PCDH15: variants seen among roughly 807,000 people sequenced by gnomAD.
PCDH15 encodes the protein protocadherin-15.
PCDH15 carries 129 observed loss-of-function variants against 178.5 expected under a neutral mutation model. The observed-to-expected ratio is 0.72, with a 90% CI of 0.63 to 0.84. The LOEUF (loss-of-function observed/expected upper bound fraction) is 0.84. PCDH15 is among the 40% of genes least tolerant of loss of function. The pLI is 0.00. For synonymous variants in PCDH15, 800 were observed against 732.0 expected, an observed-to-expected ratio of 1.09 and a Z score of -1.50; for missense variants, 2,230 against 2,099.9, an observed-to-expected ratio of 1.06 and a Z score of -1.21.
intron 1 of PCDH15, among the ~76,000 whole-genome samples, chr10:54,737,260 T>C (rs1442829640): frequency 6.6e-6 from 1 of 152,096 alleles, no homozygotes; most frequent in African/African-American, 2.4e-5. Context: ...TGAAAGAACC[T>C]GAAGTGGCAC....
intron 29 of PCDH15, among the ~76,000 whole-genome samples, chr10:53,832,951 T>TA (rs535778968): frequency 3.9e-4 from 60 of 152,126 alleles, no homozygotes; most frequent in African/African-American, 1.2e-3. Flanking sequence ...TTTAAACAGA[T>TA]ACGCTTTTAT....
intron 2 of PCDH15, among the ~76,000 whole-genome samples, chr10:54,989,218 G>T (rs757070688): frequency 9.2e-5 from 14 of 152,220 alleles, no homozygotes; most frequent in Admixed American, 2.0e-4. Flanking sequence ...TGCTGCAGGG[G>T]TGGGGCCTTC....
chr10:55,284,183 T>A (rs189261633), intron 1 of PCDH15, among the ~76,000 whole-genome samples: 74 of 146,360 alleles, frequency 5.1e-4, no homozygotes, highest in Non-Finnish European at 8.1e-4. Flanking sequence ...GTCCTTTAGA[T>A]AGCTACTCAG....
At chr10:54,577,091 CT>C (rs11318408) in intron 2 of PCDH15, among the ~76,000 whole-genome samples, 133,351 of 146,244 alleles carry the variant, frequency 0.91, 61,316 homozygotes, top group Middle Eastern at 0.98. Context: ...ATTTTAATTT[CT>C]TTTTTTTTTT....
chr10:54,708,801 T>TGTGTGCGC (rs959581064), intron 1 of PCDH15, among the ~76,000 whole-genome samples: 2 of 125,568 alleles, frequency 1.6e-5, no homozygotes, highest in African/African-American at 5.7e-5. Flanking sequence ...TGTGTGTGTG[T>TGTGTGCGC]GCGCGCGCGT....
chr10:55,121,061 C>T lies in PCDH15; in HGVS notation c.-80+45515G>A, dbSNP rs181474005. 2.0e-3 allele frequency among the ~76,000 whole-genome samples: 312 copies of T among 152,236 alleles called. 1 individual carries two copies. The highest frequency in any genetic ancestry group is 7.4e-3 in the African/African-American group (306 of 41,540). ...AGACTGCAACAGCAGCCTGGGAGAG[C>T]TGCAGGCACTCAACTCCAACCCATG... On this transcript the variant is annotated intron_variant, in intron 2 of 5. Coordinates refer to the PCDH15 transcript ENST00000458638.
intron 20 of PCDH15, among the ~76,000 whole-genome samples, chr10:53,999,578 C>T (rs1448162894): frequency 1.3e-5 from 2 of 152,174 alleles, no homozygotes; most frequent in African/African-American, 2.4e-5. Context: ...CATAAGTGAA[C>T]ATTGGTGGTA....
At chr10:53,954,405 T>TA (rs1564849855) in intron 23 of PCDH15, among the ~76,000 whole-genome samples, 1 of 152,186 alleles carries the variant, frequency 6.6e-6, no homozygotes, top group Non-Finnish European at 1.5e-5. Context: ...CTTTCAATTC[T>TA]AAAAAAAGAA....
At position 55,467,966 on chromosome 10, in the gene PCDH15, CAAAAAAAAAA is replaced by C. The variant is rs71463104; in HGVS notation, c.-156+159649_-156+159658del. Among the ~76,000 whole-genome samples, 305 of 36,662 alleles carry C rather than the reference CAAAAAAAAAA, an allele frequency of 8.3e-3. 5 individuals carry two copies. In the East Asian group the frequency reaches 0.12, roughly 14 times the overall value. 24.1% of individuals were successfully genotyped at this position (36,662 alleles called of 152,430 possible). On this transcript the variant is annotated intron_variant, in intron 2 of 5. Transcript: ENST00000613346. ...TGGGCGATAGAGCCAGACTCCGTCTCAAAAAAAAAAAAAAAAAAAAAAAAAGAATTAAAAC... is the reference window on the plus strand; with the variant it reads ...TGGGCGATAGAGCCAGACTCCGTCTCAAAAAAAAAAAAAAAGAATTAAAAC...
rs149609494 is a variant in PCDH15 at position 53,937,007 on chromosome 10, AG to A, written c.3373+1807del. Reference sequence around the variant, plus strand: ...TTAGGAGGCAAAGGTCAATCATAAAAGGTTAATAACAATATTCAAAGAATCA... The same window carrying A: ...TTAGGAGGCAAAGGTCAATCATAAAAGTTAATAACAATATTCAAAGAATCA... On this transcript the variant is annotated intron_variant, in intron 25 of 37. Coordinates refer to ENST00000644397, the MANE Select transcript of PCDH15 (RefSeq NM_001384140.1). Among the ~76,000 whole-genome samples, 304 of 152,292 alleles carry A rather than the reference AG, an allele frequency of 2.0e-3. 2 individuals are homozygous for A. The highest frequency in any genetic ancestry group is 6.5e-3 in the African/African-American group (271 of 41,574).
chr10:54,393,006 A>G (rs1950750272), intron 3 of PCDH15, among the ~76,000 whole-genome samples: 1 of 152,056 alleles, frequency 6.6e-6, no homozygotes, highest in South Asian at 2.1e-4. Flanking sequence ...CTGATATGTG[A>G]TTAAAATTTT....
chr10:54,955,021 G>A (rs1431551165), intron 2 of PCDH15, among the ~76,000 whole-genome samples: 1 of 151,186 alleles, frequency 6.6e-6, no homozygotes, highest in East Asian at 1.9e-4. Flanking sequence ...TTGGTTTCAG[G>A]TCATTTTTTA....
chr10:55,083,100 T>G (rs1171906481), intron 2 of PCDH15, among the ~76,000 whole-genome samples: 2 of 151,124 alleles, frequency 1.3e-5, no homozygotes, highest in East Asian at 3.9e-4. Flanking sequence ...ATACGTCAAA[T>G]AGAAAACTAT....
chr10:54,242,572 A>G (rs1288179283), intron 8 of PCDH15, among the ~76,000 whole-genome samples: 1 of 152,150 alleles, frequency 6.6e-6, no homozygotes, highest in East Asian at 1.9e-4. Context: ...TTCACCAATG[A>G]AAAATAATAT....
intron 2 of PCDH15, among the ~76,000 whole-genome samples, chr10:55,069,253 T>C (rs1476324344): frequency 1.0e-5 from 1 of 98,972 alleles, no homozygotes; most frequent in Admixed American, 9.7e-5. Flanking sequence ...ATTTTGTTTT[T>C]TTTTTTTTTT....
At chr10:54,911,707 T>C (rs1954821665) in intron 2 of PCDH15, among the ~76,000 whole-genome samples, 2 of 152,172 alleles carry the variant, frequency 1.3e-5, no homozygotes, top group African/African-American at 4.8e-5. Flanking sequence ...GTTTCTTCCA[T>C]GCTGTTCTCC....
intron 8 of PCDH15, among the ~76,000 whole-genome samples, chr10:54,295,745 G>C (rs60053790): frequency 0.21 from 32,432 of 151,946 alleles, 3,510 homozygotes; most frequent in Admixed American, 0.24. Context: ...ACCACGAAGG[G>C]ATAATCACCA....
chr10:55,356,575 G>A (rs1006502301), intron 2 of PCDH15, among the ~76,000 whole-genome samples: 2 of 151,820 alleles, frequency 1.3e-5, no homozygotes, highest in African/African-American at 4.8e-5. Flanking sequence ...AAGAAACACA[G>A]AATTGATTCG....
At chr10:55,423,802 T>A (rs1006605043) in intron 2 of PCDH15, among the ~76,000 whole-genome samples, 1 of 152,134 alleles carries the variant, frequency 6.6e-6, no homozygotes, top group African/African-American at 2.4e-5. Context: ...TCAAACCTCA[T>A]GTTTTTATAT....
Sources: gnomAD v4.1 joint callset for allele counts (sites outside exome capture counted in the v4.1 genomes callset) on GRCh38, gnomAD v4.1.1 for gene constraint, MANE v1.5 for transcripts, NCBI Gene and HGNC (gene_info 2026-07-23, HGNC 2026-07-21) for gene names.